CRAMP1: variants seen among roughly 807,000 people sequenced by gnomAD.
CRAMP1 encodes protein cramped-like.
In CRAMP1, 50 loss-of-function variants were observed where a neutral mutation model predicts 115.4. The observed-to-expected ratio is 0.43, with a 90% CI of 0.35 to 0.55. CRAMP1 has a LOEUF of 0.55. Among genes scored for constraint, CRAMP1 ranks in the 20% least tolerant of loss-of-function variants. The probability of loss-of-function intolerance (pLI) is 0.01; values close to 1 mark genes in which losing one functional copy is unlikely to be tolerated. For synonymous variants in CRAMP1, 866 were observed against 745.4 expected, an observed-to-expected ratio of 1.16 and a Z score of -2.64; for missense variants, 1,679 against 1,721.7, an observed-to-expected ratio of 0.98 and a Z score of 0.44.
intron 6 of CRAMP1, among the ~76,000 whole-genome samples, chr16:1,646,480 G>T (rs1344193003): frequency 2.6e-5 from 4 of 152,280 alleles, no homozygotes; most frequent in Non-Finnish European, 4.4e-5. Flanking sequence ...TGTCTTTCTC[G>T]TGCTTATTTG....
intron 4 of CRAMP1, among the ~76,000 whole-genome samples, chr16:1,635,229 T>A (rs944757012): frequency 1.1e-4 from 16 of 151,906 alleles, no homozygotes; most frequent in African/African-American, 3.9e-4. Context: ...GCACACCGTG[T>A]GCACTTTATC....
At chr16:1,640,590 A>G (rs1226547879) in intron 5 of CRAMP1, among the ~76,000 whole-genome samples, 1 of 152,188 alleles carries the variant, frequency 6.6e-6, no homozygotes, top group Non-Finnish European at 1.5e-5. Flanking sequence ...CATCTTGAAG[A>G]TAGTGAAGAG....
intron 4 of CRAMP1, among the ~76,000 whole-genome samples, chr16:1,633,285 A>G (rs918559918): frequency 1.3e-5 from 2 of 152,182 alleles, no homozygotes; most frequent in African/African-American, 4.8e-5. Flanking sequence ...GCCAGGACCC[A>G]GCTCCCCTGT....
intron 8 of CRAMP1, 22 bp from the exon 9 acceptor site, chr16:1,655,197 C>T (rs745839868): frequency 3.8e-6 from 6 of 1,599,814 alleles, no homozygotes; most frequent in Admixed American, 3.3e-5. Flanking sequence ...ACCTCACTTC[C>T]TCCTGTCTGT....
chr16:1,618,578 G>T (rs1387696389), intron 2 of CRAMP1, among the ~76,000 whole-genome samples: 1 of 152,210 alleles, frequency 6.6e-6, no homozygotes, highest in Non-Finnish European at 1.5e-5. Context: ...TCAAGGATGG[G>T]GAAATGCACC....
chr16:1,631,731 T>G (rs1380445177), intron 3 of CRAMP1, among the ~76,000 whole-genome samples: 1 of 152,238 alleles, frequency 6.6e-6, no homozygotes, highest in East Asian at 1.9e-4. Flanking sequence ...GTATAGTCTG[T>G]GCGGTTCACT....
At chr16:1,658,646 A>G (rs2036796898) in intron 10 of CRAMP1, among the ~76,000 whole-genome samples, 1 of 152,148 alleles carries the variant, frequency 6.6e-6, no homozygotes, top group Non-Finnish European at 1.5e-5. Context: ...AGCTGTGACA[A>G]GCACCCCAAA....
chr16:1,666,473 T>C lies in CRAMP1; in HGVS notation c.2909T>C (p.Leu970Pro). 1.2e-6 allele frequency: 2 copies of C among 1,613,850 alleles called. No individual in the cohort carries two copies. The highest frequency in any genetic ancestry group is 1.7e-6 in the Non-Finnish European group (2 of 1,179,838). Residue 970 changes from leucine (L) to proline (P), a missense_variant, in exon 16 of 21, where the codon CTC (leucine) becomes CCC (proline). By Grantham distance (98) the Leu-to-Pro change is moderately conservative (BLOSUM62 -3). Around this residue, in one of 8 missense-constraint regions of CRAMP1, gnomAD observed 709 missense variants for 741.9 expected, o/e 0.96. Coordinates refer to ENST00000397412, the MANE Select transcript of CRAMP1 (RefSeq NM_020825.4). The surrounding 1 kb of genome is among the most constrained non-coding windows in gnomAD (Gnocchi z 5.0). ...GCCGGCATCCTTTCCGGGAACCCCC[T>C]CCCTGCCTTGGACACCGAGGGCTTG... ...TSAGILSGNP[L>P]PALDTEGLSG...
At position 1,652,558 on chromosome 16, in the gene CRAMP1, T is replaced by A; in HGVS notation, c.890T>A (p.Leu297Gln). The stretch of plus-strand genomic sequence containing the variant: ...ATCAAAGCGCCCATGTGCCGGGCCC[T>A]GAAGAAGCTGTGCGATCCAGATGGT... ...LRIKAPMCRA[L>Q]KKLCDPDGLS... Residue 297 changes from leucine to glutamine, a missense_variant, in exon 7 of 21, where the codon CTG becomes CAG. Coordinates refer to ENST00000397412, the MANE Select transcript of CRAMP1 (RefSeq NM_020825.4). 2 of 1,553,004 alleles carry A rather than the reference T, an allele frequency of 1.3e-6. No individual in the cohort carries two copies. Among genetic ancestry groups the A allele is most frequent in the Non-Finnish European group, 1.7e-6 (2 of 1,147,610 alleles).
intron 4 of CRAMP1, among the ~76,000 whole-genome samples, 183 bp from the exon 5 acceptor site, chr16:1,637,641 A>G (rs1228929032): frequency 1.3e-5 from 2 of 152,210 alleles, no homozygotes; most frequent in Admixed American, 6.5e-5. Context: ...TATTTTGAAA[A>G]TCGCAGACAC....
Position 1,656,201 on chromosome 16 carries a change from G to C in CRAMP1, c.1444G>C (p.Ala482Pro). Reference sequence around the variant, plus strand: ...GGGGCGGCCCCCTCCTGCGGCTGACGCCTTGCAGAGCTCCGGAGAGAGTTC... The same window carrying C: ...GGGGCGGCCCCCTCCTGCGGCTGACCCCTTGCAGAGCTCCGGAGAGAGTTC... ...GVGRPPPAAD[A>P]LQSSGESSPE... Residue 482 changes from alanine to proline, a missense_variant, in exon 10 of 21, where the codon GCC becomes CCC. Ala to Pro is a conservative substitution (Grantham distance 27). Transcript: ENST00000397412. This position sits in a 1 kb window ranked among gnomAD's most constrained non-coding sequence, Gnocchi z 5.6. The C allele has an allele frequency of 6.2e-7, 1 of 1,603,106 alleles. No homozygotes were observed. Among genetic ancestry groups the C allele is most frequent in the Non-Finnish European group, 8.5e-7 (1 of 1,175,766 alleles).
Position 1,675,271 on chromosome 16 carries a change from C to T in CRAMP1, c.*1226C>T, listed in dbSNP as rs1346643858. Reference sequence around the variant, plus strand: ...AAGGGCCCCTTTGCCTTCTCATCCTCAGGAGTTCCAGGCACATGAGTCACC... The same window carrying T: ...AAGGGCCCCTTTGCCTTCTCATCCTTAGGAGTTCCAGGCACATGAGTCACC... On this transcript the variant is annotated 3_prime_UTR_variant, in exon 21 of 21. Coordinates refer to ENST00000397412, the MANE Select transcript of CRAMP1 (RefSeq NM_020825.4). The T allele has an allele frequency of 6.6e-6, 1 of 152,398 alleles. No homozygotes were observed. The highest frequency in any genetic ancestry group is 6.5e-5 in the Admixed American group (1 of 15,290). 9.4% of individuals were successfully genotyped at this position (152,398 alleles called of 1,614,324 possible).
chr16:1,668,791 A>G (rs1319337231), intron 18 of CRAMP1, among the ~76,000 whole-genome samples: 1 of 152,162 alleles, frequency 6.6e-6, no homozygotes, highest in Non-Finnish European at 1.5e-5. Context: ...CGTGGTGGCT[A>G]CTGCCGTCGC....
At chr16:1,673,791 A>G (rs1383186380) in intron 20 of CRAMP1, 90 bp from the exon 21 acceptor site, 4 of 1,224,220 alleles carry the variant, frequency 3.3e-6, no homozygotes, top group South Asian at 1.3e-5. Context: ...GGGAGTCGAT[A>G]GGAGCTTCTC....
rs1336039108 is a variant in CRAMP1 at position 1,675,570 on chromosome 16, C to T, written c.*1525C>T. The T allele has an allele frequency of 2.0e-5, 3 of 152,534 alleles. No homozygotes were observed. The highest frequency in any genetic ancestry group is 7.2e-5 in the African/African-American group (3 of 41,456). 9.4% of individuals were successfully genotyped at this position (152,534 alleles called of 1,614,324 possible). On this transcript the variant is annotated 3_prime_UTR_variant, in exon 21 of 21. Coordinates refer to ENST00000397412, the MANE Select transcript of CRAMP1 (RefSeq NM_020825.4). The stretch of plus-strand genomic sequence containing the variant: ...GAAGGTGAAAAGAGGAGGGAAAGGC[C>T]TTTGGTGTGGACAAGCATGTGGACG...
chr16:1,656,237 GC>G lies in CRAMP1; in HGVS notation c.1485del (p.Glu497ArgfsTer5). 1.9e-6 allele frequency: 3 copies of G among 1,608,458 alleles called. No homozygotes were observed. Among genetic ancestry groups the G allele is most frequent in the Non-Finnish European group, 1.7e-6 (2 of 1,178,842 alleles). On this transcript the variant is annotated frameshift_variant, in exon 10 of 21. Transcript: ENST00000397412. LOFTEE classifies it high-confidence loss of function. The surrounding 1 kb of genome is among the most constrained non-coding windows in gnomAD (Gnocchi z 5.6). ...CTCCGGAGAGAGTTCCCCCGAAAGC[GC>G]CCCCGGGGAGGGGGCTGCCCTAAGC... is the stretch of plus-strand genomic sequence containing the variant. ...QSSGESSPES[A>X]PGEGAALSLS... is the part of the protein sequence containing the mutation.
intron 1 of CRAMP1, among the ~76,000 whole-genome samples, chr16:1,613,724 G>A (rs2036386395): frequency 1.3e-5 from 2 of 152,192 alleles, no homozygotes; most frequent in Admixed American, 6.5e-5. Context: ...GTTGCCAAGA[G>A]TTTTAACACC....
chr16:1,622,698 T>G (rs539851607), intron 2 of CRAMP1, among the ~76,000 whole-genome samples: 1 of 151,834 alleles, frequency 6.6e-6, no homozygotes, highest in South Asian at 2.1e-4. Flanking sequence ...TCTTCCTACC[T>G]CAGCCACCCA....
rs1466992428 is a variant in CRAMP1, at chr16:1,672,279, C to T, written c.3645+1470C>T. The stretch of plus-strand genomic sequence containing the variant: ...GGGTGCAGTTAGTATTTGTGAAACG[C>T]TGCCCGTCGCGAGTAATGCAAACGT... On this transcript the variant is annotated intron_variant, in intron 20 of 20. Transcript: ENST00000397412. The surrounding 1 kb of genome is among the most constrained non-coding windows in gnomAD (Gnocchi z 4.9). Among the ~76,000 whole-genome samples the T allele has an allele frequency of 5.3e-5, 8 of 152,208 alleles. No individual in the cohort carries two copies. Among genetic ancestry groups the T allele is most frequent in the Admixed American group, 3.3e-4 (5 of 15,284 alleles).
Sources: gnomAD v4.1 joint callset for allele counts (sites outside exome capture counted in the v4.1 genomes callset) on GRCh38, gnomAD v4.1.1 for gene constraint, gnomAD v4.1.1 regional missense constraint, Gnocchi (gnomAD v3.1) non-coding constraint, MANE v1.5 for transcripts, NCBI Gene and HGNC (gene_info 2026-07-23, HGNC 2026-07-21) for gene names.